Variants in CFAP20DC observed in about 807,000 individuals in gnomAD.
CFAP20DC encodes the protein CFAP20 domain containing.
In CFAP20DC, 84 loss-of-function variants were observed where a neutral mutation model predicts 101.7. The ratio of observed to expected loss-of-function variants is 0.83; its 90% CI spans 0.69 to 0.99. The LOEUF is 0.99. Among genes scored for constraint, CFAP20DC ranks in the 50% least tolerant of loss-of-function variants. The probability of loss-of-function intolerance (pLI) is 0.00; values close to 1 mark genes in which losing one functional copy is unlikely to be tolerated. For missense variants in CFAP20DC, 1,007 were observed against 970.3 expected, an observed-to-expected ratio of 1.04 and a Z score of -0.50; for synonymous variants, 359 against 351.2, an observed-to-expected ratio of 1.02 and a Z score of -0.25.
intron 15 of CFAP20DC, among the ~76,000 whole-genome samples, chr3:58,782,904 A>G (rs1293266691): frequency 6.6e-6 from 1 of 152,144 alleles, no homozygotes; most frequent in Admixed American, 6.5e-5. Context: ...ACAAAAAGAA[A>G]AAAATCCTAA....
intron 14 of CFAP20DC, among the ~76,000 whole-genome samples, chr3:58,815,188 C>T (rs2075012681): frequency 6.6e-6 from 1 of 151,770 alleles, no homozygotes; most frequent in Admixed American, 6.6e-5. Flanking sequence ...GAACACAGCC[C>T]TCAGAAATAA....
At chr3:58,810,165 T>G (rs894939822) in intron 14 of CFAP20DC, among the ~76,000 whole-genome samples, 1 of 152,030 alleles carries the variant, frequency 6.6e-6, no homozygotes, top group Non-Finnish European at 1.5e-5. Flanking sequence ...ACTATTCCAA[T>G]CAATAGAAAA....
chr3:58,718,843 G>C (rs1559522225), intron 3 of CFAP20DC, among the ~76,000 whole-genome samples: 1 of 152,190 alleles, frequency 6.6e-6, no homozygotes, highest in Non-Finnish European at 1.5e-5. Flanking sequence ...CTCCCTGCAA[G>C]CCAGAAGGCT....
At chr3:58,824,244 A>G (rs981850612) in intron 14 of CFAP20DC, among the ~76,000 whole-genome samples, 1 of 152,224 alleles carries the variant, frequency 6.6e-6, no homozygotes, top group Non-Finnish European at 1.5e-5. Context: ...TCTGTAGATC[A>G]GAACAAATTA....
At position 59,049,979 on chromosome 3, in the gene CFAP20DC, G is replaced by A. The variant is rs897388679; in HGVS notation, c.-348C>T. On this transcript the variant is annotated 5_prime_UTR_variant, in exon 1 of 17. Coordinates refer to ENST00000482387, the MANE Select transcript of CFAP20DC (RefSeq NM_001394063.1). ...CGGAGCCACAGACAACCGCCCGCTG[G>A]CCTAGGAAAAGCGGGCGCGCTCCCG... 7.2e-6 allele frequency: 2 copies of A among 277,334 alleles called. No individual in the cohort carries two copies. Among genetic ancestry groups the A allele is most frequent in the East Asian group, 6.9e-5 (1 of 14,430 alleles). 17.2% of individuals were successfully genotyped at this position (277,334 alleles called of 1,614,324 possible).
At chr3:58,740,493 G>A (rs1313424227), downstream of CFAP20DC, among the ~76,000 whole-genome samples, 1 of 152,134 alleles carries the variant, frequency 6.6e-6, no homozygotes, top group Non-Finnish European at 1.5e-5. The surrounding 1 kb of genome is among the most constrained non-coding windows in gnomAD (Gnocchi z 4.6). Flanking sequence ...CTGCTCTGAT[G>A]TCTGTGCCTC....
chr3:58,938,694 G>A lies in CFAP20DC; in HGVS notation c.279-932C>T, dbSNP rs374594107. Among the ~76,000 whole-genome samples the A allele has an allele frequency of 2.5e-4, 38 of 151,764 alleles. No homozygotes were observed. In the Middle Eastern group the frequency reaches 0.01, roughly 41 times the overall value. On this transcript the variant is annotated intron_variant, in intron 4 of 16. Transcript: ENST00000482387. ...TAAAATTGGCATTGTCTTTTCTACA[G>A]CACTTCCGTTCCCCCTCCTTCCCAC...
At chr3:58,879,513 C>T (rs1402808158) in intron 7 of CFAP20DC, among the ~76,000 whole-genome samples, 1 of 152,170 alleles carries the variant, frequency 6.6e-6, no homozygotes, top group Non-Finnish European at 1.5e-5. Context: ...ATCATTCATT[C>T]ATTTAATCAC....
intron 13 of CFAP20DC, among the ~76,000 whole-genome samples, chr3:58,839,805 T>C (rs536093526): frequency 6.6e-6 from 1 of 152,338 alleles, no homozygotes; most frequent in East Asian, 1.9e-4. Context: ...ATTAGAGTAA[T>C]GGGCGCACTG....
At chr3:58,921,322 C>T (rs945629800) in intron 5 of CFAP20DC, among the ~76,000 whole-genome samples, 36 of 151,846 alleles carry the variant, frequency 2.4e-4, no homozygotes, top group African/African-American at 8.7e-4. Context: ...TTCTTAGATG[C>T]TTATATAATT....
At chr3:58,798,743 C>T (rs1343817747) in intron 15 of CFAP20DC, among the ~76,000 whole-genome samples, 3 of 152,168 alleles carry the variant, frequency 2.0e-5, no homozygotes, top group African/African-American at 7.2e-5. Flanking sequence ...TAAGAAACTG[C>T]CAGAGCCACC....
At chr3:58,810,448 A>G (rs1406642693) in intron 14 of CFAP20DC, among the ~76,000 whole-genome samples, 1 of 152,230 alleles carries the variant, frequency 6.6e-6, no homozygotes. Context: ...ACTGAAGACA[A>G]AAACCACATC....
At chr3:58,803,385 G>A (rs979396599) in intron 15 of CFAP20DC, among the ~76,000 whole-genome samples, 1 of 152,144 alleles carries the variant, frequency 6.6e-6, no homozygotes, top group Admixed American at 6.5e-5. Flanking sequence ...GTGGACTTCA[G>A]AGAATTACCT....
rs553214204 is a variant in CFAP20DC at position 58,762,334 on chromosome 3, G to A, written c.2238-8471C>T. On this transcript the variant is annotated intron_variant, in intron 15 of 16. Transcript: ENST00000482387. Reference sequence around the variant, plus strand: ...TCTGATCTTTGTTGGTTTAAAGTCTGTTTTATCAGGGATGAGGATTGCAAC... The same window carrying A: ...TCTGATCTTTGTTGGTTTAAAGTCTATTTTATCAGGGATGAGGATTGCAAC... Among the ~76,000 whole-genome samples, 35 of 152,232 alleles carry A rather than the reference G, an allele frequency of 2.3e-4. No homozygotes were observed. In the South Asian group the frequency reaches 7.1e-3, roughly 31 times the overall value.
intron 4 of CFAP20DC, among the ~76,000 whole-genome samples, chr3:58,939,451 A>C (rs1410733720): frequency 6.6e-6 from 1 of 152,022 alleles, no homozygotes; most frequent in African/African-American, 2.4e-5. Context: ...ATTTTTTAAA[A>C]TTTTATTTTT....
intron 16 of CFAP20DC, among the ~76,000 whole-genome samples, chr3:58,750,645 G>A (rs2068502563): frequency 6.6e-6 from 1 of 152,188 alleles, no homozygotes; most frequent in Non-Finnish European, 1.5e-5. Flanking sequence ...GGCTCTGACT[G>A]GGCATTTGAT....
chr3:58,967,378 A>G (rs900880229), intron 4 of CFAP20DC, among the ~76,000 whole-genome samples: 2 of 152,344 alleles, frequency 1.3e-5, no homozygotes, highest in East Asian at 1.9e-4. Flanking sequence ...AATGGATCAA[A>G]GGCCTACATT....
At chr3:58,858,051 C>G (rs182906794) in intron 12 of CFAP20DC, among the ~76,000 whole-genome samples, 1 of 152,106 alleles carries the variant, frequency 6.6e-6, no homozygotes, top group Non-Finnish European at 1.5e-5. Flanking sequence ...TTTAGTTTAT[C>G]ATTTAGCTAC....
intron 6 of CFAP20DC, among the ~76,000 whole-genome samples, chr3:58,906,613 AATT>A (rs1191076431): frequency 6.6e-6 from 1 of 152,106 alleles, no homozygotes. Context: ...TTGGGAAAAT[AATT>A]ATTAATACTT....
Sources: gnomAD v4.1 joint callset for allele counts (sites outside exome capture counted in the v4.1 genomes callset) on GRCh38, gnomAD v4.1.1 for gene constraint, Gnocchi (gnomAD v3.1) non-coding constraint, MANE v1.5 for transcripts, NCBI Gene and HGNC (gene_info 2026-07-23, HGNC 2026-07-21) for gene names.